GRIP1: variants seen among roughly 807,000 people sequenced by gnomAD.
GRIP1 encodes the protein glutamate receptor-interacting protein 1.
A neutral mutation model predicts 129.9 loss-of-function variants in GRIP1; 45 were observed. The observed-to-expected ratio is 0.35, with a 90% CI of 0.27 to 0.44. The LOEUF (loss-of-function observed/expected upper bound fraction) is 0.44. Among genes scored for constraint, GRIP1 ranks in the 20% least tolerant of loss-of-function variants. The pLI, the probability that GRIP1 is intolerant of heterozygous loss-of-function variation, is 1.00. For synonymous variants in GRIP1, 530 were observed against 520.8 expected, an observed-to-expected ratio of 1.02 and a Z score of -0.24; for missense variants, 1,196 against 1,396.8, an observed-to-expected ratio of 0.86 and a Z score of 2.29.
At chr12:66,678,196 T>G (rs1356301261) in intron 1 of GRIP1, among the ~76,000 whole-genome samples, 1 of 152,184 alleles carries the variant, frequency 6.6e-6, no homozygotes, top group African/African-American at 2.4e-5. Context: ...CAGAGAAATT[T>G]AATTACTATT....
At chr12:66,371,643 C>T (rs1565674037) in intron 23 of GRIP1, 51 bp downstream of exon 23, 3 of 1,195,764 alleles carry the variant, frequency 2.5e-6, no homozygotes, top group African/African-American at 1.5e-5. Flanking sequence ...ACATGCTATG[C>T]AGAATGGCTG....
At chr12:66,885,451 T>C (rs2040549718) in intron 1 of GRIP1, among the ~76,000 whole-genome samples, 1 of 152,146 alleles carries the variant, frequency 6.6e-6, no homozygotes, top group Admixed American at 6.5e-5. Flanking sequence ...TAGCAAAGGC[T>C]GTGAGTAGAA....
intron 1 of GRIP1, among the ~76,000 whole-genome samples, chr12:66,851,310 C>T (rs905697): frequency 0.44 from 67,195 of 151,716 alleles, 16,198 homozygotes; most frequent in East Asian, 0.78. Context: ...ACAGTAAAAG[C>T]ACGAACATTG....
intron 1 of GRIP1, among the ~76,000 whole-genome samples, chr12:67,059,381 T>C (rs1416198045): frequency 1.3e-5 from 2 of 152,184 alleles, no homozygotes; most frequent in African/African-American, 2.4e-5. Context: ...CTCATTTCAG[T>C]GGATACCAGG....
At chr12:66,898,634 C>T (rs2040792381) in intron 1 of GRIP1, among the ~76,000 whole-genome samples, 1 of 152,086 alleles carries the variant, frequency 6.6e-6, no homozygotes, top group Admixed American at 6.5e-5. Context: ...ATAATCCTTC[C>T]CAGTTCTTTC....
intron 1 of GRIP1, among the ~76,000 whole-genome samples, chr12:66,824,542 C>T (rs971547380): frequency 1.3e-5 from 2 of 152,150 alleles, no homozygotes; most frequent in South Asian, 2.1e-4. Flanking sequence ...CCCACCAAGC[C>T]GAATGCCCTT....
chr12:66,418,602 A>T (rs1216864965), intron 15 of GRIP1, among the ~76,000 whole-genome samples: 1 of 152,190 alleles, frequency 6.6e-6, no homozygotes, highest in African/African-American at 2.4e-5. Flanking sequence ...GGAAAAAACA[A>T]TCTAGTAATC....
intron 4 of GRIP1, among the ~76,000 whole-genome samples, chr12:66,533,359 T>C (rs1438529087): frequency 6.6e-6 from 1 of 151,558 alleles, no homozygotes; most frequent in Non-Finnish European, 1.5e-5. Flanking sequence ...AATACATAAA[T>C]ATCAGGCCGG....
At chr12:66,718,968 A>G (rs1167651936) in intron 1 of GRIP1, among the ~76,000 whole-genome samples, 1 of 152,164 alleles carries the variant, frequency 6.6e-6, no homozygotes, top group African/African-American at 2.4e-5. Context: ...AGCACCTTTG[A>G]GATCTAGACA....
At chr12:66,472,895 C>A (rs552530492) in intron 7 of GRIP1, among the ~76,000 whole-genome samples, 32 of 152,296 alleles carry the variant, frequency 2.1e-4, no homozygotes, top group Non-Finnish European at 2.9e-4. Context: ...CAAAACTGGG[C>A]GGCCACTTGG....
intron 1 of GRIP1, among the ~76,000 whole-genome samples, chr12:66,741,277 G>T (rs2036779582): frequency 6.6e-6 from 1 of 152,172 alleles, no homozygotes; most frequent in South Asian, 2.1e-4. Context: ...CAAAGGGATT[G>T]TCTGTAGGGC....
intron 7 of GRIP1, among the ~76,000 whole-genome samples, chr12:66,486,596 T>C (rs1048804480): frequency 7.2e-5 from 11 of 152,136 alleles, no homozygotes; most frequent in Non-Finnish European, 1.3e-4. Context: ...CATTCTCTCT[T>C]TGCCTGTTGC....
chr12:66,535,069 TTGTC>T (rs1417594103), intron 4 of GRIP1, among the ~76,000 whole-genome samples: 1 of 152,092 alleles, frequency 6.6e-6, no homozygotes, highest in African/African-American at 2.4e-5. Flanking sequence ...GCTGCACCCT[TTGTC>T]TGAAATATTC....
chr12:66,444,189 A>G (rs2058549648), intron 13 of GRIP1, among the ~76,000 whole-genome samples: 1 of 152,228 alleles, frequency 6.6e-6, no homozygotes, highest in African/African-American at 2.4e-5. Flanking sequence ...TTCAGCATAT[A>G]AAATAGTTTC....
At chr12:66,601,217 C>G (rs2064260990) in intron 1 of GRIP1, among the ~76,000 whole-genome samples, 1 of 152,156 alleles carries the variant, frequency 6.6e-6, no homozygotes, top group Admixed American at 6.5e-5. Flanking sequence ...GGGGCAAACA[C>G]AGATCATTTG....
intron 1 of GRIP1, among the ~76,000 whole-genome samples, chr12:66,669,084 G>A (rs761618780): frequency 1.3e-5 from 2 of 152,202 alleles, no homozygotes; most frequent in Non-Finnish European, 2.9e-5. Flanking sequence ...CAAAACAAAT[G>A]TGTGGGATTG....
intron 5 of GRIP1, among the ~76,000 whole-genome samples, chr12:66,522,987 T>A (rs2061075979): frequency 1.3e-5 from 2 of 151,896 alleles, no homozygotes; most frequent in Non-Finnish European, 2.9e-5. Flanking sequence ...GAAAAAAGAA[T>A]AAAAAGAAAC....
At chr12:66,890,222 C>A (rs1373816217) in intron 1 of GRIP1, among the ~76,000 whole-genome samples, 1 of 152,170 alleles carries the variant, frequency 6.6e-6, no homozygotes, top group African/African-American at 2.4e-5. Context: ...AGCCACCACA[C>A]CCGGCCAGCT....
At chr12:66,765,272 A>G (rs938247346) in intron 1 of GRIP1, among the ~76,000 whole-genome samples, 1 of 152,164 alleles carries the variant, frequency 6.6e-6, no homozygotes, top group African/African-American at 2.4e-5. Flanking sequence ...TGCTGCACCC[A>G]CTGCAGGAAG....
Sources: allele counts gnomAD v4.1 joint callset (sites outside exome capture counted in the v4.1 genomes callset), GRCh38; gene constraint gnomAD v4.1.1; transcripts MANE v1.5; gene names NCBI Gene and HGNC (gene_info 2026-07-23, HGNC 2026-07-21).